The following VAV2 variants were observed in gnomAD, a reference collection of about 807,000 sequenced individuals.
The protein encoded by VAV2 is vav guanine nucleotide exchange factor 2.
Under a neutral mutation model 132.5 loss-of-function variants are expected in VAV2, and 67 were observed. That is an observed-to-expected ratio of 0.51 (90% confidence interval 0.42 to 0.62). The LOEUF is 0.62. Ranked by LOEUF, VAV2 falls within the 20% of genes least tolerant of loss-of-function variation. The probability of loss-of-function intolerance (pLI) is 0.00; values close to 1 mark genes in which losing one functional copy is unlikely to be tolerated. For synonymous variants in VAV2, 492 were observed against 443.5 expected (o/e 1.11, Z -1.37); for missense variants, 938 against 1,153.6 (o/e 0.81, Z 2.71).
rs1588149551 is a variant in VAV2, at chr9:133,942,943, C to T, written c.205-3724G>A. Reference sequence around the variant, plus strand: ...GCCTGGGGGCCACGTCAGGCTCCACCTCGAGGGAGGCCACACACGGCCCGG... The same window carrying T: ...GCCTGGGGGCCACGTCAGGCTCCACTTCGAGGGAGGCCACACACGGCCCGG... On this transcript the variant is annotated intron_variant, in intron 1 of 29. Coordinates refer to ENST00000371850, the MANE Select transcript of VAV2 (RefSeq NM_001134398.2). Among the ~76,000 whole-genome samples the T allele has an allele frequency of 2.0e-5, 3 of 152,362 alleles. No individual in the cohort carries two copies. In the South Asian group the frequency reaches 6.2e-4, roughly 32 times the overall value.
At chr9:133,839,817 T>C (rs1836646925) in intron 3 of VAV2, among the ~76,000 whole-genome samples, 1 of 152,188 alleles carries the variant, frequency 6.6e-6, no homozygotes, top group South Asian at 2.1e-4. Context: ...CACCCCTCAG[T>C]AGGGACTTTG....
chr9:133,867,692 C>T (rs1837862683), intron 2 of VAV2, among the ~76,000 whole-genome samples: 1 of 152,262 alleles, frequency 6.6e-6, no homozygotes, highest in Non-Finnish European at 1.5e-5. Context: ...TGAGATGTCC[C>T]ACCCAGCTCT....
At chr9:133,899,381 A>AC (rs1386912279) in intron 2 of VAV2, among the ~76,000 whole-genome samples, 2 of 151,042 alleles carry the variant, frequency 1.3e-5, no homozygotes, top group Non-Finnish European at 3.0e-5. Flanking sequence ...ACATAGTGAG[A>AC]CCCCAACTCT....
chr9:133,976,085 T>G (rs1482456025), intron 1 of VAV2, among the ~76,000 whole-genome samples: 1 of 151,810 alleles, frequency 6.6e-6, no homozygotes, highest in African/African-American at 2.4e-5. Context: ...TGGGCACCTG[T>G]AATCCCAGCT....
intron 2 of VAV2, among the ~76,000 whole-genome samples, chr9:133,902,885 G>T (rs1276999175): frequency 6.6e-6 from 1 of 152,086 alleles, no homozygotes. Context: ...AGACCAGCCT[G>T]GCCAACGTGG....
Position 133,861,404 on chromosome 9 carries a change from A to C in VAV2, c.350T>G (p.Leu117Arg). The C allele has an allele frequency of 6.2e-7, 1 of 1,613,626 alleles. No individual in the cohort carries two copies. The highest frequency in any genetic ancestry group is 1.3e-5 in the African/African-American group (1 of 75,058). The change falls in exon 3 of 30, where the codon CTG becomes CGG. Residue 117 changes from leucine to arginine, a missense_variant. Transcript: ENST00000371850. ...KVISAVSRLSLHSIAQNKGIR... is the reference protein window; with the variant it reads ...KVISAVSRLSRHSIAQNKGIR... Reference sequence around the variant, plus strand: ...CCCTTTGTTCTGCGCGATGCTGTGCAGGGAGAGCCTCGACACCGCGGAGAT... The same window carrying C: ...CCCTTTGTTCTGCGCGATGCTGTGCCGGGAGAGCCTCGACACCGCGGAGAT...
rs554130515 is a variant in VAV2, at chr9:133,991,050, A to G, written c.204+1025T>C. On this transcript the variant is annotated intron_variant, in intron 1 of 29. Transcript: ENST00000371850. This position sits in a 1 kb window ranked among gnomAD's most constrained non-coding sequence, Gnocchi z 4.8. Reference sequence around the variant, plus strand: ...TGGTGACTCACTCTCCCTCCTTCCCAGGAACCACGTCCTAAGTCCCACTGG... The same window carrying G: ...TGGTGACTCACTCTCCCTCCTTCCCGGGAACCACGTCCTAAGTCCCACTGG... Among the ~76,000 whole-genome samples, 2 of 152,228 alleles carry G rather than the reference A, an allele frequency of 1.3e-5. No homozygotes were observed. The highest frequency in any genetic ancestry group is 3.9e-4 in the East Asian group (2 of 5,166).
intron 2 of VAV2, among the ~76,000 whole-genome samples, chr9:133,938,678 C>T (rs1841016497): frequency 1.3e-5 from 2 of 152,138 alleles, no homozygotes; most frequent in African/African-American, 4.8e-5. Context: ...ACAGTAGGCG[C>T]TTTCCCCTCC....
chr9:133,866,670 G>A (rs1290038610), intron 2 of VAV2, among the ~76,000 whole-genome samples: 4 of 152,136 alleles, frequency 2.6e-5, no homozygotes, highest in South Asian at 2.1e-4. Flanking sequence ...GCCGGGCGTG[G>A]TGGCACATGC....
At chr9:133,985,873 T>G (rs1211249409) in intron 1 of VAV2, among the ~76,000 whole-genome samples, 9 of 152,038 alleles carry the variant, frequency 5.9e-5, no homozygotes, top group Non-Finnish European at 1.3e-4. Flanking sequence ...TGGTAACAGG[T>G]TATATGCATG....
At chr9:133,850,449 A>G (rs1213224095) in intron 3 of VAV2, among the ~76,000 whole-genome samples, 2 of 152,212 alleles carry the variant, frequency 1.3e-5, no homozygotes, top group African/African-American at 4.8e-5. Flanking sequence ...CCAGCAGAAC[A>G]AGGCACCAAT....
At chr9:133,789,133 C>G in intron 14 of VAV2, 125 bp downstream of exon 14, 1 of 1,043,622 alleles carries the variant, frequency 9.6e-7, no homozygotes, top group Non-Finnish European at 1.4e-6. Flanking sequence ...CAACACAAAG[C>G]CACCGCCAGG....
intron 1 of VAV2, among the ~76,000 whole-genome samples, chr9:133,974,584 A>C (rs1468540096): frequency 6.6e-6 from 1 of 152,118 alleles, no homozygotes; most frequent in African/African-American, 2.4e-5. Flanking sequence ...AAATGGGTAA[A>C]CTGAGGCTCA....
chr9:133,810,560 A>G (rs1210900894), intron 5 of VAV2, among the ~76,000 whole-genome samples: 1 of 152,214 alleles, frequency 6.6e-6, no homozygotes, highest in Non-Finnish European at 1.5e-5. Flanking sequence ...GGCAGGAAGC[A>G]GGAACTGCCC....
chr9:133,785,090 G>A (rs1034382068), intron 17 of VAV2, among the ~76,000 whole-genome samples: 6 of 152,092 alleles, frequency 3.9e-5, no homozygotes, highest in South Asian at 2.1e-4. Context: ...CTATTCTCAC[G>A]AGCCAGGCCC....
At chr9:133,813,392 T>C (rs908786875) in intron 4 of VAV2, among the ~76,000 whole-genome samples, 2 of 152,226 alleles carry the variant, frequency 1.3e-5, no homozygotes, top group Non-Finnish European at 2.9e-5. Context: ...CCACGCTGTG[T>C]GCCACGGCCT....
At chr9:133,783,122 G>A (rs917010375) in intron 19 of VAV2, among the ~76,000 whole-genome samples, 35 of 152,178 alleles carry the variant, frequency 2.3e-4, no homozygotes, top group African/African-American at 2.2e-4. Flanking sequence ...CTCACCCGCC[G>A]GGAGAACCCA....
Position 133,771,914 on chromosome 9 carries a change from C to A in VAV2, c.2223+45G>T, listed in dbSNP as rs749895383. On this transcript the variant is annotated intron_variant, in intron 26 of 29. Coordinates refer to ENST00000371850, the MANE Select transcript of VAV2 (RefSeq NM_001134398.2). ...TCAGGGCCGGGAGGAAGCACCTGTC[C>A]CCTGTGGCTGGGGTGGGAGCCGGCC... 1.7e-5 allele frequency: 26 copies of A among 1,560,504 alleles called. No individual in the cohort carries two copies. The South Asian group carries it at 2.8e-4, about 17-fold the overall frequency.
At chr9:133,821,131 T>C (rs1224374206) in intron 4 of VAV2, among the ~76,000 whole-genome samples, 1 of 152,232 alleles carries the variant, frequency 6.6e-6, no homozygotes, top group Non-Finnish European at 1.5e-5. Context: ...TGTGGCAGGC[T>C]GCTGTGTCAC....
Sources: gnomAD v4.1 joint callset for allele counts (sites outside exome capture counted in the v4.1 genomes callset) on GRCh38, gnomAD v4.1.1 for gene constraint, Gnocchi (gnomAD v3.1) non-coding constraint, MANE v1.5 for transcripts, NCBI Gene and HGNC (gene_info 2026-07-23, HGNC 2026-07-21) for gene names.